Variants in GBP7 observed in about 807,000 individuals in gnomAD.
GBP7 encodes guanylate binding protein 7.
Under a neutral mutation model 61.3 loss-of-function variants are expected in GBP7, and 43 were observed. That is an observed-to-expected ratio of 0.70 (90% CI 0.55 to 0.91). GBP7 has a LOEUF of 0.91. GBP7 is among the 40% of genes least tolerant of loss of function. The pLI, the probability that GBP7 is intolerant of heterozygous loss-of-function variation, is 0.00. For synonymous variants in GBP7, 267 were observed against 271.0 expected, an observed-to-expected ratio of 0.99 and a Z score of 0.14; for missense variants, 717 against 740.5, an observed-to-expected ratio of 0.97 and a Z score of 0.37.
At chr1:89,169,608 T>C (rs1647542843) in intron 2 of GBP7, among the ~76,000 whole-genome samples, 1 of 152,222 alleles carries the variant, frequency 6.6e-6, no homozygotes. Context: ...CCCAATTTTC[T>C]GGCCTGGAAT....
chr1:89,144,939 T>C (rs1019834916), intron 8 of GBP7, among the ~76,000 whole-genome samples: 2 of 149,366 alleles, frequency 1.3e-5, no homozygotes, highest in African/African-American at 4.9e-5. Context: ...TCTCTGTTAA[T>C]GTGACTTTCA....
chr1:89,170,783 C>T (rs1054207666), intron 2 of GBP7, among the ~76,000 whole-genome samples: 8 of 152,158 alleles, frequency 5.3e-5, no homozygotes, highest in Non-Finnish European at 7.4e-5. Context: ...AAGACATTGC[C>T]AAACTACAAC....
rs182824631 is a variant in GBP7 at position 89,143,847 on chromosome 1, G to T, written c.1366-2199C>A. Among the ~76,000 whole-genome samples the T allele has an allele frequency of 1.2e-4, 18 of 152,294 alleles. No individual in the cohort carries two copies. The East Asian group carries it at 3.5e-3, about 29-fold the overall frequency. ...ACGAGGCCCCACCTCCAGCACTGGGGATTACAATTCAATATGAGGTTTGAG... is the reference window on the plus strand; with the variant it reads ...ACGAGGCCCCACCTCCAGCACTGGGTATTACAATTCAATATGAGGTTTGAG... On this transcript the variant is annotated intron_variant, in intron 8 of 10. Coordinates refer to ENST00000294671, the MANE Select transcript of GBP7 (RefSeq NM_207398.3).
rs1570364710 is a variant in GBP7, at chr1:89,171,779, A to G, written c.157T>C (p.Tyr53His). 3 of 1,612,894 alleles carry G rather than the reference A, an allele frequency of 1.9e-6. No homozygotes were observed. In the East Asian group the frequency reaches 6.7e-5, roughly 36 times the overall value. The change falls in exon 2 of 11, where the codon TAC (tyrosine) becomes CAC (histidine). Residue 53 changes from tyrosine to histidine, a missense_variant. Coordinates refer to ENST00000294671, the MANE Select transcript of GBP7 (RefSeq NM_207398.3). The part of the protein sequence containing the change: ...IVGLYRTGKS[Y>H]LMNKLAGKNK... ...TTCCCAGCCAGCTTGTTCATTAGGT[A>G]GGATTTGCCTGTGCGGTAGAGGCCC... is the stretch of plus-strand genomic sequence containing the variant.
chr1:89,139,677 C>A (rs573822756), intron 9 of GBP7, among the ~76,000 whole-genome samples: 1 of 152,192 alleles, frequency 6.6e-6, no homozygotes, highest in Non-Finnish European at 1.5e-5. Flanking sequence ...TGCAGCCAAA[C>A]AACACGTGAA....
intron 3 of GBP7, among the ~76,000 whole-genome samples, chr1:89,153,739 A>T (rs987015298): frequency 6.6e-6 from 1 of 152,208 alleles, no homozygotes; most frequent in African/African-American, 2.4e-5. Flanking sequence ...AACAAAACAG[A>T]CAACAATCCA....
At chr1:89,141,257 GA>G (rs1393832616) in intron 9 of GBP7, among the ~76,000 whole-genome samples, 1 of 151,322 alleles carries the variant, frequency 6.6e-6, no homozygotes, top group Non-Finnish European at 1.5e-5. Context: ...CTACTCTCCT[GA>G]GTTCAGAGGC....
intron 9 of GBP7, among the ~76,000 whole-genome samples, chr1:89,138,299 TA>T (rs1681854512): frequency 6.6e-6 from 1 of 151,840 alleles, no homozygotes; most frequent in Admixed American, 6.6e-5. Context: ...ATAGAATTAG[TA>T]AAAACTATTC....
intron 3 of GBP7, among the ~76,000 whole-genome samples, chr1:89,160,526 C>T (rs1408132992): frequency 1.3e-5 from 2 of 152,130 alleles, no homozygotes; most frequent in Admixed American, 1.3e-4. Flanking sequence ...CCTCTCTCTA[C>T]TCAGTGTCCT....
chr1:89,145,800 C>T (rs535383959), intron 8 of GBP7, among the ~76,000 whole-genome samples: 2 of 152,102 alleles, frequency 1.3e-5, no homozygotes, highest in South Asian at 2.1e-4. Context: ...TCATAAAATG[C>T]TGATGAAATT....
intron 9 of GBP7, among the ~76,000 whole-genome samples, chr1:89,137,395 A>C (rs922887776): frequency 2.6e-5 from 4 of 152,182 alleles, no homozygotes; most frequent in Non-Finnish European, 4.4e-5. Flanking sequence ...ACATGGATGA[A>C]AAAATCTTCA....
At chr1:89,170,702 A>G (rs1647574163) in intron 2 of GBP7, among the ~76,000 whole-genome samples, 2 of 152,200 alleles carry the variant, frequency 1.3e-5, no homozygotes, top group African/African-American at 4.8e-5. Flanking sequence ...GCCAAACCCT[A>G]ACAAAATGGA....
chr1:89,164,892 C>A (rs772913663), intron 2 of GBP7, 34 bp from the exon 3 acceptor site: 14 of 1,609,544 alleles, frequency 8.7e-6, no homozygotes, highest in Non-Finnish European at 1.2e-5. Flanking sequence ...CATATAGTGA[C>A]AGCAGAATCC....
chr1:89,152,847 T>C lies in GBP7; in HGVS notation c.319-70A>G, dbSNP rs369388832. On this transcript the variant is annotated intron_variant, in intron 3 of 10. Transcript: ENST00000294671. ...GATACATCTCAAGGTCAACTACTTGTATCCATGTAACCAAAACTGAAGTCA... is the reference window on the plus strand; with the variant it reads ...GATACATCTCAAGGTCAACTACTTGCATCCATGTAACCAAAACTGAAGTCA... The C allele has an allele frequency of 1.7e-4, 219 of 1,264,752 alleles. 15 individuals are homozygous for C. Among genetic ancestry groups the C allele is most frequent in the East Asian group, 5.5e-4 (23 of 41,990 alleles). The allele number at this position is 1,264,752 out of a possible 1,614,324, so 78.3% of individuals were successfully genotyped here.
At chr1:89,173,686 A>G (rs1179175172) in intron 1 of GBP7, among the ~76,000 whole-genome samples, 1 of 152,192 alleles carries the variant, frequency 6.6e-6, no homozygotes, top group Non-Finnish European at 1.5e-5. Context: ...TTCATTTGTA[A>G]AACAGTTAGT....
chr1:89,168,756 G>A (rs1175393006), intron 2 of GBP7, among the ~76,000 whole-genome samples: 3 of 151,834 alleles, frequency 2.0e-5, no homozygotes, highest in African/African-American at 7.3e-5. Context: ...CCAACATGGA[G>A]AAACCCTGTC....
chr1:89,137,703 G>T (rs1159694975), intron 9 of GBP7, among the ~76,000 whole-genome samples: 1 of 152,072 alleles, frequency 6.6e-6, no homozygotes, highest in Non-Finnish European at 1.5e-5. Context: ...CATACTGAAT[G>T]TGAAAAAGCT....
At position 89,149,386 on chromosome 1, in the gene GBP7, A is replaced by C. The variant is rs1388517667; in HGVS notation, c.1058T>G (p.Leu353Arg). The C allele has an allele frequency of 4.3e-6, 7 of 1,614,224 alleles. No homozygotes were observed. The East Asian group carries it at 1.6e-4, about 36-fold the overall frequency. ...CCTCTCACAAACTGCATGCACGTCC[A>C]GCAGCTCCTGGAGTGTGTCTGTGGG... ...RFPTDTLQEL[L>R]DVHAVCEREA... The change falls in exon 7 of 11, where the codon CTG (leucine) becomes CGG (arginine). Residue 353 changes from leucine to arginine, a missense_variant. Coordinates refer to ENST00000294671, the MANE Select transcript of GBP7 (RefSeq NM_207398.3).
In GBP7 at chr1:89,149,523, C is replaced by T. The variant is rs148089226; in HGVS notation, c.921G>A (p.Ala307=). Reference sequence around the variant, plus strand: ...CCATTGCATTCTCCAGACAAGGAGTCGCTCCACTGTTGATGGCATCCAGGT... The same window carrying T: ...CCATTGCATTCTCCAGACAAGGAGTTGCTCCACTGTTGATGGCATCCAGGT... The part of the protein sequence containing the change: ...ETYLDAINSG[A]TPCLENAMAV... Residue 307 remains alanine, a synonymous_variant, in exon 7 of 11, where the codon GCG becomes GCA. Coordinates refer to ENST00000294671, the MANE Select transcript of GBP7 (RefSeq NM_207398.3). 859 of 1,614,132 alleles carry T rather than the reference C, an allele frequency of 5.3e-4. No homozygotes were observed. The highest frequency in any genetic ancestry group is 6.6e-4 in the Non-Finnish European group (780 of 1,180,002).
Sources: gnomAD v4.1 joint callset for allele counts (sites outside exome capture counted in the v4.1 genomes callset) on GRCh38, gnomAD v4.1.1 for gene constraint, MANE v1.5 for transcripts, NCBI Gene and HGNC (gene_info 2026-07-23, HGNC 2026-07-21) for gene names.